Variants in FOCAD observed in about 807,000 individuals in gnomAD.
The protein encoded by FOCAD is KIAA1797.
A neutral mutation model predicts 225.6 loss-of-function variants in FOCAD; 198 were observed. The ratio of observed to expected loss-of-function variants is 0.88; its 90% CI spans 0.78 to 0.99. FOCAD has a LOEUF of 0.99. Among genes scored for constraint, FOCAD ranks in the 50% least tolerant of loss-of-function variants. FOCAD has a pLI of 0.00. For missense variants in FOCAD, 2,713 were observed against 2,123.6 expected, an observed-to-expected ratio of 1.28 and a Z score of -5.46; for synonymous variants, 897 against 755.0, an observed-to-expected ratio of 1.19 and a Z score of -3.08.
At chr9:20,753,531 G>A (rs1828763334) in intron 5 of FOCAD, among the ~76,000 whole-genome samples, 1 of 151,824 alleles carries the variant, frequency 6.6e-6, no homozygotes, top group African/African-American at 2.4e-5. Context: ...TGGTGGATAA[G>A]CTTTTTGATG....
chr9:20,866,922 TATCTAGGACCCAATTG>T lies in FOCAD; in HGVS notation c.2107-6_2116del. The T allele has an allele frequency of 2.2e-6, 1 of 449,046 alleles. No individual in the cohort carries two copies. The highest frequency in any genetic ancestry group is 3.9e-6 in the Non-Finnish European group (1 of 257,424). 27.8% of individuals were successfully genotyped at this position (449,046 alleles called of 1,614,324 possible). The stretch of plus-strand genomic sequence containing the variant: ...TTTTTTTTTTTTTTTTTTTTTACCC[TATCTAGGACCCAATTG>T]TAGCAAATGCTGCATATAGATCCCT... On this transcript the variant is annotated splice_acceptor_variant and splice_polypyrimidine_tract_variant and coding_sequence_variant and intron_variant, in exon 18 of 44. Coordinates refer to ENST00000338382, the MANE Select transcript of FOCAD (RefSeq NM_001375567.1). LOFTEE classifies it high-confidence loss of function.
chr9:20,691,450 G>A (rs1256618197), intron 1 of FOCAD, among the ~76,000 whole-genome samples: 3 of 151,058 alleles, frequency 2.0e-5, no homozygotes, highest in Non-Finnish European at 4.4e-5. Context: ...TTAAATATTA[G>A]CATTATTATT....
In FOCAD at chr9:20,923,718, G is replaced by C. The variant is rs141111974; in HGVS notation, c.2911G>C (p.Val971Leu). ...LLALSSLAVVVSRHEASLSSD... is the reference protein window; with the variant it reads ...LLALSSLAVVLSRHEASLSSD... ...AGCTCTAAGCAGCCTTGCTGTCGTC[G>C]TATCTAGACATGAAGCCAGCCTCTC... The change falls in exon 25 of 44, where the codon GTA (valine) becomes CTA (leucine). Residue 971 changes from valine (V) to leucine (L), a missense_variant. Val to Leu is a conservative substitution (Grantham distance 32, BLOSUM62 1). Transcript: ENST00000338382. 6.2e-7 allele frequency: 1 copy of C among 1,614,004 alleles called. No individual in the cohort carries two copies. Among genetic ancestry groups the C allele is most frequent in the Non-Finnish European group, 8.5e-7 (1 of 1,179,950 alleles).
chr9:20,747,480 A>G (rs927451293), intron 5 of FOCAD, among the ~76,000 whole-genome samples: 3 of 152,172 alleles, frequency 2.0e-5, no homozygotes, highest in African/African-American at 7.2e-5. Context: ...CTTAAAGCGT[A>G]CAAGTCAGTA....
At chr9:20,817,206 A>G (rs1823815784) in intron 11 of FOCAD, among the ~76,000 whole-genome samples, 1 of 152,208 alleles carries the variant, frequency 6.6e-6, no homozygotes, top group South Asian at 2.1e-4. Flanking sequence ...AACCATTAAA[A>G]TATAATTTAC....
chr9:20,801,421 A>G (rs1159211155), intron 11 of FOCAD, among the ~76,000 whole-genome samples: 2 of 152,138 alleles, frequency 1.3e-5, no homozygotes, highest in East Asian at 3.9e-4. Context: ...ATCTCAAGTG[A>G]TCCACCTGCC....
chr9:20,715,965 A>G (rs1159149442), intron 2 of FOCAD: 1 of 214,970 alleles, frequency 4.7e-6, no homozygotes. Context: ...ATTCTGGTTA[A>G]TCAAGGTATC....
At position 20,764,977 on chromosome 9, in the gene FOCAD, C is replaced by G. The variant is rs1563962005; in HGVS notation, c.603C>G (p.Val201=). ...AACTCCGACTAGCCCTGCTGAAAGT[C>G]TTACTTCAACCCCAGGTTCTTTGTG... is the stretch of plus-strand genomic sequence containing the variant. ...YAKLRLALLK[V]LLQPQVLCDK... is the part of the protein sequence containing the mutation. Residue 201 remains valine, a synonymous_variant, in exon 7 of 44, where the codon GTC becomes GTG. Coordinates refer to ENST00000338382, the MANE Select transcript of FOCAD (RefSeq NM_001375567.1). 33 of 1,613,968 alleles carry G rather than the reference C, an allele frequency of 2.0e-5. No individual in the cohort carries two copies. In the East Asian group the frequency reaches 7.4e-4, roughly 36 times the overall value.
intron 5 of FOCAD, among the ~76,000 whole-genome samples, chr9:20,742,976 CAGT>C (rs1474301319): frequency 1.3e-5 from 2 of 152,116 alleles, no homozygotes; most frequent in Admixed American, 6.6e-5. Flanking sequence ...CACTATAAAT[CAGT>C]AGAGAGTAAT....
intron 11 of FOCAD, among the ~76,000 whole-genome samples, chr9:20,797,582 A>G (rs200899311): frequency 5.3e-5 from 8 of 152,110 alleles, no homozygotes; most frequent in Non-Finnish European, 1.2e-4. Flanking sequence ...TGAAGCAATT[A>G]TGAATGGGAA....
At chr9:20,670,894 C>A (rs950222978) in intron 2 of FOCAD, among the ~76,000 whole-genome samples, 2 of 152,108 alleles carry the variant, frequency 1.3e-5, no homozygotes, top group Non-Finnish European at 2.9e-5. Context: ...TGTCTTTGGG[C>A]ATTAACTGAG....
chr9:20,787,361 G>T (rs1820028402), intron 10 of FOCAD, among the ~76,000 whole-genome samples: 1 of 152,174 alleles, frequency 6.6e-6, no homozygotes, highest in Non-Finnish European at 1.5e-5. Context: ...ACCTAAGCAG[G>T]AAAGTAGTCA....
intron 5 of FOCAD, among the ~76,000 whole-genome samples, chr9:20,745,219 C>T (rs1827945218): frequency 6.6e-6 from 1 of 152,006 alleles, no homozygotes; most frequent in African/African-American, 2.4e-5. Context: ...AAGCTATCCT[C>T]CCATCTCAGC....
intron 25 of FOCAD, among the ~76,000 whole-genome samples, chr9:20,926,026 G>C (rs945949384): frequency 5.3e-5 from 8 of 152,066 alleles, no homozygotes; most frequent in African/African-American, 9.7e-5. Flanking sequence ...AGCTCTGAAG[G>C]GCTCTTGGAT....
chr9:20,764,455 T>C (rs990658509), intron 6 of FOCAD, among the ~76,000 whole-genome samples: 2 of 152,202 alleles, frequency 1.3e-5, no homozygotes, highest in Non-Finnish European at 2.9e-5. Flanking sequence ...TGTTTCACCA[T>C]GTTGGCCAGG....
At chr9:20,685,082 A>C (rs529471668) in intron 1 of FOCAD, among the ~76,000 whole-genome samples, 1 of 152,210 alleles carries the variant, frequency 6.6e-6, no homozygotes, top group African/African-American at 2.4e-5. Flanking sequence ...ATACATTCCA[A>C]ACTTTTTTGA....
chr9:20,807,196 C>G (rs1431165775), intron 11 of FOCAD, among the ~76,000 whole-genome samples: 1 of 152,176 alleles, frequency 6.6e-6, no homozygotes, highest in Non-Finnish European at 1.5e-5. Context: ...TTCACAATTA[C>G]TTATCTGCTA....
chr9:20,766,436 C>G (rs1035935632), intron 7 of FOCAD, among the ~76,000 whole-genome samples: 1 of 152,182 alleles, frequency 6.6e-6, no homozygotes, highest in Non-Finnish European at 1.5e-5. Context: ...ACATGACTAT[C>G]TCATGGCTAA....
intron 4 of FOCAD, among the ~76,000 whole-genome samples, 183 bp downstream of exon 4, chr9:20,720,717 A>C (rs190488826): frequency 7.2e-5 from 11 of 152,312 alleles, no homozygotes; most frequent in Non-Finnish European, 1.3e-4. Flanking sequence ...TAGTTTCAGA[A>C]TTTGTGGTCA....
Sources: gnomAD v4.1 joint callset for allele counts (sites outside exome capture counted in the v4.1 genomes callset) on GRCh38, gnomAD v4.1.1 for gene constraint, MANE v1.5 for transcripts, NCBI Gene and HGNC (gene_info 2026-07-23, HGNC 2026-07-21) for gene names.